PUM2: variants seen among roughly 807,000 people sequenced by gnomAD.
The protein encoded by PUM2 is pumilio homolog 2.
A neutral mutation model predicts 124.5 loss-of-function variants in PUM2; 57 were observed. The ratio of observed to expected loss-of-function variants is 0.46; its 90% CI spans 0.37 to 0.57. The LOEUF is 0.57. PUM2 is among the 20% of genes least tolerant of loss of function. PUM2 has a pLI of 0.00. For missense variants in PUM2, 1,065 were observed against 1,290.6 expected, an observed-to-expected ratio of 0.83 and a Z score of 2.68; for synonymous variants, 460 against 446.1, an observed-to-expected ratio of 1.03 and a Z score of -0.39.
chr2:20,318,411 G>A (rs1681512147), intron 3 of PUM2, 126 bp downstream of exon 3: 1 of 741,168 alleles, frequency 1.3e-6, no homozygotes, highest in Non-Finnish European at 2.2e-6. Flanking sequence ...AGACCAGCCT[G>A]GGCAATAGCG....
chr2:20,310,528 C>T (rs766396228), intron 5 of PUM2, among the ~76,000 whole-genome samples: 1 of 151,926 alleles, frequency 6.6e-6, no homozygotes, highest in Non-Finnish European at 1.5e-5. Context: ...TAGTGAAGAA[C>T]AAACTCGAAA....
At chr2:20,313,592 A>G (rs1226581227) in intron 3 of PUM2, among the ~76,000 whole-genome samples, 1 of 152,130 alleles carries the variant, frequency 6.6e-6, no homozygotes, top group African/African-American at 2.4e-5. Context: ...CCAGCACTTC[A>G]GGAGGCTGAG....
chr2:20,270,336 T>A (rs1668730724), intron 13 of PUM2, among the ~76,000 whole-genome samples: 1 of 152,208 alleles, frequency 6.6e-6, no homozygotes, highest in African/African-American at 2.4e-5. Context: ...GCCTTTCTGA[T>A]TGGAGTGAAG....
chr2:20,263,665 A>G (rs901553680), intron 13 of PUM2, among the ~76,000 whole-genome samples: 7 of 152,210 alleles, frequency 4.6e-5, no homozygotes, highest in Non-Finnish European at 7.4e-5. Context: ...ACTAGAAAAC[A>G]TGAGAAAAAT....
chr2:20,332,282 A>AGAGTGTGTGTGTGTGT (rs1346037244), intron 1 of PUM2, among the ~76,000 whole-genome samples: 4 of 145,372 alleles, frequency 2.8e-5, no homozygotes, highest in Admixed American at 2.0e-4. Context: ...ATACTACTAG[A>AGAGTGTGTGTGTGTGT]GTGTGTGTGT....
chr2:20,294,312 A>T, intron 9 of PUM2, 64 bp downstream of exon 9: 1 of 1,558,542 alleles, frequency 6.4e-7, no homozygotes, highest in Non-Finnish European at 8.7e-7. Context: ...CACAAATCTT[A>T]AACATTAGGA....
intron 5 of PUM2, among the ~76,000 whole-genome samples, chr2:20,309,667 C>G (rs1679168566): frequency 6.6e-6 from 1 of 152,134 alleles, no homozygotes; most frequent in South Asian, 2.1e-4. Flanking sequence ...ACTATGCATT[C>G]ACAGGATATT....
intron 12 of PUM2, among the ~76,000 whole-genome samples, chr2:20,279,246 AT>A (rs1285000719): frequency 3.3e-5 from 5 of 152,190 alleles, no homozygotes. Flanking sequence ...AAAAGATTAT[AT>A]GAATAAATAA....
At chr2:20,253,636 T>G (rs768864455) in intron 20 of PUM2, among the ~76,000 whole-genome samples, 186 bp downstream of exon 20, 8 of 152,028 alleles carry the variant, frequency 5.3e-5, no homozygotes, top group Admixed American at 3.3e-4. Flanking sequence ...AAAGCCCCCA[T>G]GCCTGGCCAT....
intron 3 of PUM2, among the ~76,000 whole-genome samples, chr2:20,316,709 A>AC (rs1681030840): frequency 6.6e-6 from 1 of 152,198 alleles, no homozygotes; most frequent in South Asian, 2.1e-4. Flanking sequence ...ACATAGTGAG[A>AC]CCCCCATCTC....
At chr2:20,336,775 TGTGTGTGTGTGTGTGTGTGTGTGTGTGG>T in intron 1 of PUM2, among the ~76,000 whole-genome samples, 2 of 134,892 alleles carry the variant, frequency 1.5e-5, no homozygotes, top group Non-Finnish European at 1.6e-5. Flanking sequence ...TGTGTGTGTG[TGTGTGTGTGTGTGTGTGTGTGTGTGTGG>T]TACAGACGGG....
At chr2:20,263,523 A>G in intron 13 of PUM2, 63 bp from the exon 14 acceptor site, 1 of 1,492,640 alleles carries the variant, frequency 6.7e-7, no homozygotes, top group South Asian at 1.3e-5. Flanking sequence ...AATAAAATTT[A>G]CTTTAGCTAC....
intron 12 of PUM2, among the ~76,000 whole-genome samples, chr2:20,281,792 A>G (rs1450255939): frequency 1.3e-5 from 2 of 152,228 alleles, no homozygotes; most frequent in Non-Finnish European, 2.9e-5. Context: ...GTCCAATATG[A>G]CATCCACTTA....
chr2:20,315,850 A>C (rs977650460), intron 3 of PUM2, among the ~76,000 whole-genome samples: 2 of 151,364 alleles, frequency 1.3e-5, no homozygotes, highest in Non-Finnish European at 2.9e-5. Context: ...AAAAAAAAAA[A>C]AAAAAAAACA....
rs531812875 is a variant in PUM2 at position 20,311,935 on chromosome 2, G to A, written c.349-272C>T. Among the ~76,000 whole-genome samples the A allele has an allele frequency of 3.3e-5, 5 of 152,192 alleles. No homozygotes were observed. In the South Asian group the frequency reaches 6.2e-4, roughly 19 times the overall value. On this transcript the variant is annotated intron_variant, in intron 4 of 20. Transcript: ENST00000361078. ...TTAAAATTTTCTTTAATGCGTAGAC[G>A]ATTTTGTTTAGTTACTTTCAGATCA...
intron 16 of PUM2, among the ~76,000 whole-genome samples, chr2:20,257,332 T>C (rs1442566336): frequency 6.6e-6 from 1 of 152,170 alleles, no homozygotes; most frequent in East Asian, 1.9e-4. Context: ...GTGATGAATA[T>C]ATACACATAT....
At chr2:20,328,060 T>G (rs1315157229) in intron 1 of PUM2, among the ~76,000 whole-genome samples, 1 of 152,114 alleles carries the variant, frequency 6.6e-6, no homozygotes, top group Non-Finnish European at 1.5e-5. Context: ...TTTGGCTAGG[T>G]GTGGTGGCTC....
intron 13 of PUM2, among the ~76,000 whole-genome samples, chr2:20,268,492 C>T (rs1459780316): frequency 1.3e-5 from 2 of 152,128 alleles, no homozygotes; most frequent in African/African-American, 2.4e-5. Context: ...GTGGCGTACG[C>T]CTGTAGTCCC....
At chr2:20,270,832 T>C (rs1473652896) in intron 13 of PUM2, among the ~76,000 whole-genome samples, 1 of 152,218 alleles carries the variant, frequency 6.6e-6, no homozygotes, top group Non-Finnish European at 1.5e-5. Context: ...TTTTTAGTTG[T>C]AGAAAAAGGC....
Sources: gnomAD v4.1 joint callset for allele counts (sites outside exome capture counted in the v4.1 genomes callset) on GRCh38, gnomAD v4.1.1 for gene constraint, MANE v1.5 for transcripts, NCBI Gene and HGNC (gene_info 2026-07-23, HGNC 2026-07-21) for gene names.